CDH12: variants seen among roughly 807,000 people sequenced by gnomAD.
CDH12 encodes cadherin-12.
CDH12 carries 41 observed loss-of-function variants against 74.1 expected under a neutral mutation model. The observed-to-expected ratio is 0.55, with a 90% confidence interval of 0.43 to 0.72. CDH12 has a LOEUF of 0.72. Ranked by LOEUF, CDH12 falls within the 30% of genes least tolerant of loss-of-function variation. CDH12 has a pLI of 0.00. For missense variants in CDH12, 945 were observed against 977.2 expected (o/e 0.97, Z 0.44); for synonymous variants, 399 against 355.0 (o/e 1.12, Z -1.39).
chr5:21,799,097 T>C (rs1374572277), intron 10 of CDH12, among the ~76,000 whole-genome samples: 3 of 152,146 alleles, frequency 2.0e-5, no homozygotes, highest in East Asian at 1.9e-4. Flanking sequence ...TTGGTAGATA[T>C]ATGGACAGTA....
chr5:21,859,553 A>G (rs143210847), intron 6 of CDH12, among the ~76,000 whole-genome samples: 14 of 151,950 alleles, frequency 9.2e-5, no homozygotes, highest in African/African-American at 3.4e-4. Context: ...CCAGTCCAGA[A>G]ATCAAAGGGT....
intron 1 of CDH12, among the ~76,000 whole-genome samples, chr5:22,617,001 A>T (rs1737724069): frequency 6.6e-6 from 1 of 152,068 alleles, no homozygotes; most frequent in African/African-American, 2.4e-5. Flanking sequence ...AGTAGCCGGG[A>T]CTAGAGGTGT....
Position 21,751,869 on chromosome 5 carries a change from G to A in CDH12, c.2253C>T (p.Leu751=). ...CTGTGGTGAGAGAGTCTATAGAGCT[G>A]AGGGACTCTGCCACGGACCCACTCC... ...YEGSGSVAES[L]SSIDSLTTEA... is the part of the protein sequence containing the mutation. The change falls in exon 15 of 15, where the codon CTC becomes CTT. Residue 751 remains leucine (L), a synonymous_variant. Coordinates refer to ENST00000382254, the MANE Select transcript of CDH12 (RefSeq NM_004061.5). The A allele has an allele frequency of 1.2e-6, 2 of 1,614,026 alleles. No individual in the cohort carries two copies. Among genetic ancestry groups the A allele is most frequent in the Middle Eastern group, 1.6e-4 (1 of 6,062 alleles).
At chr5:22,116,753 A>G (rs992528086) in intron 4 of CDH12, among the ~76,000 whole-genome samples, 1 of 152,102 alleles carries the variant, frequency 6.6e-6, no homozygotes, top group Admixed American at 6.5e-5. Flanking sequence ...GTATATAATA[A>G]ATGGTGTTTT....
chr5:22,528,914 A>T (rs1245387318), intron 1 of CDH12, among the ~76,000 whole-genome samples: 1 of 151,840 alleles, frequency 6.6e-6, no homozygotes, highest in African/African-American at 2.4e-5. Context: ...ACCCAGAACC[A>T]ATTCAGAAAA....
chr5:22,343,325 G>GACAC (rs1468112453), intron 3 of CDH12, among the ~76,000 whole-genome samples: 1,374 of 105,722 alleles, frequency 0.013, 14 homozygotes, highest in East Asian at 0.03. Context: ...CACACACACA[G>GACAC]AGAGAGAGAG....
chr5:21,830,273 G>C (rs1579786088), intron 8 of CDH12, among the ~76,000 whole-genome samples: 1 of 145,536 alleles, frequency 6.9e-6, no homozygotes, highest in East Asian at 2.1e-4. Context: ...CTCTTTTGAG[G>C]ATCCTCCATT....
intron 3 of CDH12, among the ~76,000 whole-genome samples, chr5:22,304,215 T>C (rs933906050): frequency 6.6e-6 from 1 of 152,132 alleles, no homozygotes; most frequent in Non-Finnish European, 1.5e-5. Context: ...CCGTAAATAA[T>C]TGTGTAGAAA....
At chr5:22,715,594 G>A (rs1743530012) in intron 1 of CDH12, among the ~76,000 whole-genome samples, 1 of 151,908 alleles carries the variant, frequency 6.6e-6, no homozygotes, top group Non-Finnish European at 1.5e-5. Context: ...CACAAGGTCA[G>A]GAGTTCGAGA....
chr5:22,517,563 T>C (rs1160569110), intron 1 of CDH12, among the ~76,000 whole-genome samples: 1 of 152,192 alleles, frequency 6.6e-6, no homozygotes, highest in Non-Finnish European at 1.5e-5. Context: ...AACCACACTA[T>C]TAAAATTAAA....
chr5:22,091,374 G>C (rs1008329397), intron 4 of CDH12, among the ~76,000 whole-genome samples: 4 of 150,426 alleles, frequency 2.7e-5, no homozygotes, highest in African/African-American at 9.8e-5. Flanking sequence ...AAACTCAACT[G>C]TATTTCTATA....
At chr5:22,195,158 A>G (rs1750548314) in intron 4 of CDH12, among the ~76,000 whole-genome samples, 1 of 152,152 alleles carries the variant, frequency 6.6e-6, no homozygotes, top group African/African-American at 2.4e-5. Flanking sequence ...GAGATTTGAG[A>G]CCAAGGTCGT....
At chr5:21,880,686 T>C (rs1300451227) in intron 6 of CDH12, among the ~76,000 whole-genome samples, 1 of 139,636 alleles carries the variant, frequency 7.2e-6, no homozygotes, top group Non-Finnish European at 1.6e-5. Context: ...TTTCTTTCTT[T>C]CTTTCTCTTT....
intron 1 of CDH12, among the ~76,000 whole-genome samples, chr5:22,836,221 C>CTTTTTTTTT (rs1561065927): frequency 1.5e-4 from 2 of 13,290 alleles, no homozygotes; most frequent in African/African-American, 6.1e-4. Flanking sequence ...TTCTTTCTTT[C>CTTTTTTTTT]TCTTTTTTTT....
At chr5:22,105,174 C>T (rs1342925486) in intron 4 of CDH12, among the ~76,000 whole-genome samples, 2 of 151,994 alleles carry the variant, frequency 1.3e-5, no homozygotes, top group African/African-American at 4.8e-5. Flanking sequence ...TCACTACAAC[C>T]TCCAATTCCC....
intron 1 of CDH12, among the ~76,000 whole-genome samples, chr5:22,522,433 T>C (rs1737093096): frequency 6.6e-6 from 1 of 152,204 alleles, no homozygotes; most frequent in Non-Finnish European, 1.5e-5. Context: ...TATATTTAAG[T>C]GTTGCTTGGG....
rs1439062396 is a variant in CDH12 at position 22,698,711 on chromosome 5, ATATATATATATATATATATATATAGTGT to A, written c.-523+154319_-523+154346del. On this transcript the variant is annotated intron_variant, in intron 1 of 14. Coordinates refer to ENST00000382254, the MANE Select transcript of CDH12 (RefSeq NM_004061.5). ...TATATATATATATATATATATATAT[ATATATATATATATATATATATATAGTGT>A]GTGTGTGTGTGTGTGTGTGTGTGTG... 1.9e-3 allele frequency among the ~76,000 whole-genome samples: 40 copies of A among 21,168 alleles called. 3 individuals carry two copies. Among genetic ancestry groups the A allele is most frequent in the East Asian group, 2.8e-3 (1 of 356 alleles). The allele number at this position is 21,168 out of a possible 152,430, so 13.9% of individuals were successfully genotyped here.
chr5:22,508,809 T>C (rs1736495967), intron 1 of CDH12, among the ~76,000 whole-genome samples: 1 of 152,148 alleles, frequency 6.6e-6, no homozygotes, highest in Non-Finnish European at 1.5e-5. Flanking sequence ...ATGTATGTCT[T>C]ACATGTATTT....
intron 4 of CDH12, among the ~76,000 whole-genome samples, chr5:22,204,338 T>A (rs1751100301): frequency 6.6e-6 from 1 of 152,138 alleles, no homozygotes; most frequent in African/African-American, 2.4e-5. Context: ...TTTTTTGTAT[T>A]TTTAGTAGAG....
Sources: allele counts gnomAD v4.1 joint callset (sites outside exome capture counted in the v4.1 genomes callset), GRCh38; gene constraint gnomAD v4.1.1; transcripts MANE v1.5; gene names NCBI Gene and HGNC (gene_info 2026-07-23, HGNC 2026-07-21).